Variants in MPP3 observed in about 807,000 individuals in gnomAD.
The protein encoded by MPP3 is MAGUK p55 scaffold protein 3.
A neutral mutation model predicts 80.7 loss-of-function variants in MPP3; 48 were observed. The observed-to-expected ratio is 0.59, with a 90% CI of 0.47 to 0.76. MPP3 has a LOEUF of 0.76. Among genes scored for constraint, MPP3 ranks in the 30% least tolerant of loss-of-function variants. The pLI, the probability that MPP3 is intolerant of heterozygous loss-of-function variation, is 0.00. For synonymous variants in MPP3, 311 were observed against 297.6 expected (o/e 1.04, Z -0.46); for missense variants, 620 against 763.0 (o/e 0.81, Z 2.21).
At chr17:43,812,085 G>A (rs759864602) in intron 16 of MPP3, among the ~76,000 whole-genome samples, 10 of 152,190 alleles carry the variant, frequency 6.6e-5, no homozygotes, top group East Asian at 1.9e-4. Flanking sequence ...TATATAGATC[G>A]GATGTGTTTC....
chr17:43,832,545 C>A (rs2143199664), intron 2 of MPP3, among the ~76,000 whole-genome samples: 1 of 152,324 alleles, frequency 6.6e-6, no homozygotes, highest in Non-Finnish European at 1.5e-5. Flanking sequence ...GGAGGGGGGA[C>A]CCCTATCTCA....
intron 12 of MPP3, among the ~76,000 whole-genome samples, chr17:43,817,673 C>T (rs2045212286): frequency 6.6e-6 from 1 of 152,230 alleles, no homozygotes; most frequent in African/African-American, 2.4e-5. Context: ...CACACATGGC[C>T]TTCTCCATTC....
At chr17:43,831,200 G>C in intron 5 of MPP3, 44 bp downstream of exon 5, 1 of 1,573,336 alleles carries the variant, frequency 6.4e-7, no homozygotes. Flanking sequence ...GCCCTACAGG[G>C]TGGGGAGTGG....
chr17:43,808,986 G>C lies in MPP3; in HGVS notation c.1551C>G (p.Ser517=). The part of the protein sequence containing the change: ...IQEKRKTPPM[S]PACEDTAAPF... The stretch of plus-strand genomic sequence containing the variant: ...GGGCTGCTGTGTCCTCACAAGCTGG[G>C]GACATAGGTGGCGTTTTTCTTTTTT... Residue 517 remains serine, a synonymous_variant, in exon 19 of 20, where the codon TCC becomes TCG. Coordinates refer to ENST00000398389, the MANE Select transcript of MPP3 (RefSeq NM_001932.6). 3 of 1,610,016 alleles carry C rather than the reference G, an allele frequency of 1.9e-6. No individual in the cohort carries two copies. The Middle Eastern group carries it at 5.0e-4, about 267-fold the overall frequency.
chr17:43,802,563 C>T (rs2044454993), intron 19 of MPP3, among the ~76,000 whole-genome samples: 1 of 152,186 alleles, frequency 6.6e-6, no homozygotes, highest in Non-Finnish European at 1.5e-5. Context: ...AAGGTATAGG[C>T]AACAACTCCA....
chr17:43,804,882 G>A (rs988601626), intron 19 of MPP3, among the ~76,000 whole-genome samples: 1 of 152,200 alleles, frequency 6.6e-6, no homozygotes, highest in African/African-American at 2.4e-5. Flanking sequence ...AGCCGAGCAT[G>A]ATGGCATGCG....
rs756036830 is a variant in MPP3 at position 43,825,814 on chromosome 17, C to T, written c.551G>A (p.Arg184Gln). The T allele has an allele frequency of 1.1e-5, 18 of 1,612,742 alleles. No individual in the cohort carries two copies. The highest frequency in any genetic ancestry group is 8.8e-5 in the South Asian group (8 of 91,058). The change falls in exon 9 of 20, where the codon CGA becomes CAA. Residue 184 changes from arginine to glutamine, a missense_variant. Physicochemically the swap from Arg to Gln is conservative, Grantham distance 43. Transcript: ENST00000398389. ...SGLVHVGDEL[R>Q]EVNGIAVLHK... The stretch of plus-strand genomic sequence containing the variant: ...CAGGACTGCGATCCCGTTCACTTCT[C>T]GGAGCTCATCTCCAACGTGGACCAG...
At chr17:43,821,783 G>A (rs1172829126) in intron 10 of MPP3, among the ~76,000 whole-genome samples, 1 of 152,024 alleles carries the variant, frequency 6.6e-6, no homozygotes, top group African/African-American at 2.4e-5. Context: ...TCACTTCAGT[G>A]GCAAACAGGA....
At position 43,820,909 on chromosome 17, in the gene MPP3, G is replaced by A; in HGVS notation, c.834C>T (p.Asp278=). The change falls in exon 11 of 20, where the codon GAC becomes GAT. Residue 278 remains aspartate (D), a synonymous_variant. Coordinates refer to ENST00000398389, the MANE Select transcript of MPP3 (RefSeq NM_001932.6). Reference sequence around the variant, plus strand: ...GGATGAGGCCGGCTCGAAGGTTGGTGTCCCCGACTCGCTTGGCCTGCCACC... The same window carrying A: ...GGATGAGGCCGGCTCGAAGGTTGGTATCCCCGACTCGCTTGGCCTGCCACC... ...PTWWQAKRVG[D]TNLRAGLIPS... 2 of 1,614,122 alleles carry A rather than the reference G, an allele frequency of 1.2e-6. No individual in the cohort carries two copies. Among genetic ancestry groups the A allele is most frequent in the Non-Finnish European group, 1.7e-6 (2 of 1,180,018 alleles).
Position 43,816,092 on chromosome 17 carries a change from C to T in MPP3, c.968-13G>A, listed in dbSNP as rs775317591. ...CAGTCACAGGTCTCTGGGAAGCAAA[C>T]AGAGGGAGGGAAGCCAGTGAGTCCC... On this transcript the variant is annotated splice_polypyrimidine_tract_variant and intron_variant, in intron 13 of 19. Coordinates refer to ENST00000398389, the MANE Select transcript of MPP3 (RefSeq NM_001932.6). 4.6e-6 allele frequency: 7 copies of T among 1,507,060 alleles called. No homozygotes were observed. Among genetic ancestry groups the T allele is most frequent in the African/African-American group, 2.9e-5 (2 of 69,622 alleles). The allele number at this position is 1,507,060 out of a possible 1,614,324, so 93.4% of individuals were successfully genotyped here. A position where few individuals can be genotyped will look rare whatever the true frequency, so the allele number is the denominator to read the frequency against.
intron 16 of MPP3, among the ~76,000 whole-genome samples, chr17:43,812,369 A>C (rs562377098): frequency 6.6e-6 from 1 of 152,236 alleles, no homozygotes; most frequent in African/African-American, 2.4e-5. Context: ...TCACTTTTCC[A>C]ACCATGTCAT....
intron 19 of MPP3, 115 bp downstream of exon 19, chr17:43,808,841 T>C (rs1161156459): frequency 1.3e-5 from 15 of 1,194,248 alleles, no homozygotes; most frequent in South Asian, 1.8e-5. Flanking sequence ...CAATCACATG[T>C]AGAAGGTGTG....
intron 19 of MPP3, among the ~76,000 whole-genome samples, chr17:43,805,285 T>A (rs2044570413): frequency 6.6e-6 from 1 of 152,202 alleles, no homozygotes; most frequent in Admixed American, 6.5e-5. Flanking sequence ...ACTTCACACC[T>A]ACTAGTAGTG....
chr17:43,805,783 G>A (rs2044590369), intron 19 of MPP3, among the ~76,000 whole-genome samples: 2 of 152,208 alleles, frequency 1.3e-5, no homozygotes, highest in African/African-American at 2.4e-5. Context: ...TGGCTAGGAA[G>A]GGGCTGGAGG....
At chr17:43,828,213 C>T (rs1284727302) in intron 7 of MPP3, among the ~76,000 whole-genome samples, 2 of 152,160 alleles carry the variant, frequency 1.3e-5, no homozygotes, top group East Asian at 1.9e-4. Flanking sequence ...GAGGATGACA[C>T]GTGCCAGCTA....
chr17:43,815,232 T>C (rs972942580), intron 14 of MPP3, among the ~76,000 whole-genome samples: 2 of 152,020 alleles, frequency 1.3e-5, no homozygotes, highest in African/African-American at 4.8e-5. Context: ...CTAGGGAGGC[T>C]GAGAGGGAAG....
rs770380601 is a variant in MPP3 at position 43,811,132 on chromosome 17, C to T, written c.1329G>A (p.Glu443=). 8 of 1,614,170 alleles carry T rather than the reference C, an allele frequency of 5.0e-6. No individual in the cohort carries two copies. In the East Asian group the frequency reaches 1.6e-4, roughly 31 times the overall value. The change falls in exon 17 of 20, where the codon GAG becomes GAA. Residue 443 remains glutamate (E), a synonymous_variant. Transcript: ENST00000398389. ...EYHFVSKQAF[E]ADLHHNKFLE... The stretch of plus-strand genomic sequence containing the variant: ...CGTACTTGTTGTGATGTAAGTCGGC[C>T]TCAAATGCTTGCTTAGACACAAAGT...
chr17:43,811,137 A>G lies in MPP3; in HGVS notation c.1324T>C (p.Phe442Leu), dbSNP rs372585870. 6.2e-7 allele frequency: 1 copy of G among 1,614,056 alleles called. No homozygotes were observed. Among genetic ancestry groups the G allele is most frequent in the Non-Finnish European group, 8.5e-7 (1 of 1,180,006 alleles). Reference sequence around the variant, plus strand: ...TTGTTGTGATGTAAGTCGGCCTCAAATGCTTGCTTAGACACAAAGTGATAT... The same window carrying G: ...TTGTTGTGATGTAAGTCGGCCTCAAGTGCTTGCTTAGACACAAAGTGATAT... ...VEYHFVSKQA[F>L]EADLHHNKFL... The change falls in exon 17 of 20, where the codon TTT becomes CTT. Residue 442 changes from phenylalanine to leucine, a missense_variant. Transcript: ENST00000398389.
At chr17:43,819,791 T>C (rs1315198568) in intron 11 of MPP3, among the ~76,000 whole-genome samples, 1 of 149,008 alleles carries the variant, frequency 6.7e-6, no homozygotes, top group African/African-American at 2.5e-5. Context: ...ACGCCAAAAA[T>C]GTTTAAAAAA....
Sources: allele counts gnomAD v4.1 joint callset (sites outside exome capture counted in the v4.1 genomes callset), GRCh38; gene constraint gnomAD v4.1.1; transcripts MANE v1.5; gene names NCBI Gene and HGNC (gene_info 2026-07-23, HGNC 2026-07-21).